TNRC6B: variants seen among roughly 807,000 people sequenced by gnomAD.
TNRC6B encodes the protein trinucleotide repeat-containing gene 6B protein.
TNRC6B carries 52 observed loss-of-function variants against 203.6 expected under a neutral mutation model. The observed-to-expected ratio is 0.26, with a 90% CI of 0.20 to 0.32. TNRC6B has a LOEUF of 0.32. Among genes scored for constraint, TNRC6B ranks in the 10% least tolerant of loss-of-function variants. The probability of loss-of-function intolerance (pLI) is 1.00; values close to 1 mark genes in which losing one functional copy is unlikely to be tolerated. For synonymous variants in TNRC6B, 838 were observed against 845.7 expected (o/e 0.99, Z 0.16); for missense variants, 1,923 against 2,286.2 (o/e 0.84, Z 3.24).
In TNRC6B at chr22:40,324,155, C is replaced by A. The variant is rs1407256441; in HGVS notation, c.*914C>A. On this transcript the variant is annotated 3_prime_UTR_variant, in exon 23 of 23. Coordinates refer to ENST00000454349, the MANE Select transcript of TNRC6B (RefSeq NM_001162501.2). The stretch of plus-strand genomic sequence containing the variant: ...TTTTTAATGATGAAAGCAGGGAGCT[C>A]CTTTCCATTTGCAACTTAGCCTGAA... 4 of 152,594 alleles carry A rather than the reference C, an allele frequency of 2.6e-5. No individual in the cohort carries two copies. The highest frequency in any genetic ancestry group is 5.9e-5 in the Non-Finnish European group (4 of 68,044). The allele number at this position is 152,594 out of a possible 1,614,324, so 9.5% of individuals were successfully genotyped here.
chr22:40,312,747 TA>T, intron 18 of TNRC6B, 96 bp downstream of exon 18: 2 of 1,509,736 alleles, frequency 1.3e-6, no homozygotes, highest in South Asian at 2.5e-5. Flanking sequence ...CCTAAAAGTT[TA>T]ACCAAAAAAT....
At chr22:40,102,529 A>T (rs568113986) in intron 1 of TNRC6B, among the ~76,000 whole-genome samples, 1 of 152,374 alleles carries the variant, frequency 6.6e-6, no homozygotes, top group African/African-American at 2.4e-5. Flanking sequence ...TGTGAGAATC[A>T]TAGCTAGTTA....
At chr22:40,092,171 G>A (rs953582948) in intron 1 of TNRC6B, among the ~76,000 whole-genome samples, 2 of 152,160 alleles carry the variant, frequency 1.3e-5, no homozygotes, top group African/African-American at 4.8e-5. Flanking sequence ...GGGAGGCCGA[G>A]GCAGCTGGAT....
At chr22:40,083,538 A>C (rs1221236834) in intron 1 of TNRC6B, among the ~76,000 whole-genome samples, 1 of 152,194 alleles carries the variant, frequency 6.6e-6, no homozygotes, top group Non-Finnish European at 1.5e-5. Context: ...TTAGCTGAAG[A>C]GTGATACAGA....
chr22:40,192,018 C>A (rs928998698), intron 1 of TNRC6B, among the ~76,000 whole-genome samples: 2 of 152,146 alleles, frequency 1.3e-5, no homozygotes, highest in African/African-American at 4.8e-5. Context: ...CGTGAGCCAC[C>A]GCGCCCAGCC....
At chr22:40,144,298 T>A (rs980241148) in intron 3 of TNRC6B, among the ~76,000 whole-genome samples, 6 of 152,182 alleles carry the variant, frequency 3.9e-5, no homozygotes, top group Admixed American at 2.0e-4. Context: ...TTATAGCAGC[T>A]CCAAACTGGA....
chr22:40,280,658 A>G (rs181141635), intron 10 of TNRC6B, among the ~76,000 whole-genome samples: 2 of 152,302 alleles, frequency 1.3e-5, no homozygotes, highest in East Asian at 3.9e-4. Context: ...TAATGGTGGG[A>G]ATTATATCTT....
intron 12 of TNRC6B, among the ~76,000 whole-genome samples, chr22:40,292,519 G>T (rs2070882190): frequency 6.6e-6 from 1 of 152,176 alleles, no homozygotes; most frequent in Admixed American, 6.5e-5. Context: ...CTGTCATTTT[G>T]CACCTGCAGT....
intron 4 of TNRC6B, among the ~76,000 whole-genome samples, chr22:40,159,064 G>T (rs548347302): frequency 6.6e-6 from 1 of 151,772 alleles, no homozygotes; most frequent in South Asian, 2.1e-4. Context: ...CCGGGTTCAC[G>T]CCATTCTCCT....
At chr22:40,321,268 A>C (rs777050513) in intron 22 of TNRC6B, 39 bp downstream of exon 22, 22 of 1,603,388 alleles carry the variant, frequency 1.4e-5, no homozygotes, top group Admixed American at 5.0e-5. Context: ...ACAAACATGC[A>C]TGAAGATGCA....
At chr22:40,164,469 T>A (rs558542568) in intron 4 of TNRC6B, among the ~76,000 whole-genome samples, 170 of 151,528 alleles carry the variant, frequency 1.1e-3, no homozygotes, top group Middle Eastern at 3.4e-3. Context: ...TAATTTTTTT[T>A]AATTTTATTT....
intron 1 of TNRC6B, among the ~76,000 whole-genome samples, chr22:40,195,701 G>A (rs1569016097): frequency 6.6e-6 from 1 of 152,176 alleles, no homozygotes; most frequent in Admixed American, 6.5e-5. Flanking sequence ...CAATCCTCCT[G>A]CCTTTGCCTC....
At chr22:40,306,907 G>A (rs1162073338) in intron 15 of TNRC6B, among the ~76,000 whole-genome samples, 1 of 152,166 alleles carries the variant, frequency 6.6e-6, no homozygotes, top group Non-Finnish European at 1.5e-5. Flanking sequence ...AGAATTGCTT[G>A]AACCCAGGAG....
chr22:40,155,556 G>T (rs2068812339), intron 3 of TNRC6B, among the ~76,000 whole-genome samples: 1 of 151,966 alleles, frequency 6.6e-6, no homozygotes, highest in Non-Finnish European at 1.5e-5. Flanking sequence ...CAAAGTGCTG[G>T]GATTACAGGC....
At chr22:40,232,005 C>A (rs918020249) in intron 1 of TNRC6B, among the ~76,000 whole-genome samples, 3 of 152,106 alleles carry the variant, frequency 2.0e-5, no homozygotes, top group African/African-American at 7.2e-5. Flanking sequence ...AAATATAGTT[C>A]CAGGCCATTT....
intron 2 of TNRC6B, among the ~76,000 whole-genome samples, chr22:40,119,411 C>T (rs540134694): frequency 2.2e-4 from 33 of 152,304 alleles, no homozygotes; most frequent in Non-Finnish European, 1.3e-4. Flanking sequence ...TGGTGAAACC[C>T]TGTCTCTACT....
chr22:40,146,652 C>T (rs1277840750), intron 3 of TNRC6B, among the ~76,000 whole-genome samples: 1 of 151,456 alleles, frequency 6.6e-6, no homozygotes, highest in East Asian at 1.9e-4. Context: ...CTGCAACCTC[C>T]TCCCCCTAGC....
chr22:40,176,555 CCTCCTA>C (rs997756790), upstream of TNRC6B, among the ~76,000 whole-genome samples: 47 of 152,138 alleles, frequency 3.1e-4, no homozygotes, highest in African/African-American at 1.1e-3. Flanking sequence ...TGGCAGATTT[CCTCCTA>C]CTCAGCCCAG....
intron 2 of TNRC6B, among the ~76,000 whole-genome samples, chr22:40,248,968 A>G (rs1264770419): frequency 1.3e-5 from 2 of 152,198 alleles, no homozygotes; most frequent in African/African-American, 4.8e-5. Context: ...GTGGTTTCCA[A>G]CCTTATTGTA....
Sources: allele counts gnomAD v4.1 joint callset (sites outside exome capture counted in the v4.1 genomes callset), GRCh38; gene constraint gnomAD v4.1.1; transcripts MANE v1.5; gene names NCBI Gene and HGNC (gene_info 2026-07-23, HGNC 2026-07-21).